Variants in PLXNA4 observed in about 807,000 individuals in gnomAD.
PLXNA4 encodes the protein plexin-A4.
PLXNA4 carries 44 observed loss-of-function variants against 191.8 expected under a neutral mutation model. The observed-to-expected ratio is 0.23, with a 90% CI of 0.18 to 0.29. PLXNA4 has a LOEUF of 0.29. Ranked by LOEUF, PLXNA4 falls within the 10% of genes least tolerant of loss-of-function variation. PLXNA4 has a pLI of 1.00. For missense variants in PLXNA4, 1,800 were observed against 2,488.8 expected (o/e 0.72, Z 5.89); for synonymous variants, 1,082 against 1,009.5 (o/e 1.07, Z -1.36).
intron 10 of PLXNA4, among the ~76,000 whole-genome samples, chr7:132,206,619 T>C (rs1324866640): frequency 3.9e-5 from 6 of 152,038 alleles, no homozygotes; most frequent in African/African-American, 1.4e-4. Flanking sequence ...CCCCATGTGC[T>C]CCCCCTCAGC....
At chr7:132,133,797 A>G (rs911752402) in intron 30 of PLXNA4, among the ~76,000 whole-genome samples, 3 of 152,020 alleles carry the variant, frequency 2.0e-5, no homozygotes, top group Non-Finnish European at 4.4e-5. Context: ...TATGCACCAA[A>G]CCTCAACTCC....
At chr7:132,229,145 T>A (rs1270058592) in intron 5 of PLXNA4, among the ~76,000 whole-genome samples, 1 of 152,154 alleles carries the variant, frequency 6.6e-6, no homozygotes, top group Admixed American at 6.5e-5. Context: ...TAGAATCCCC[T>A]CATGTAGGCA....
intron 1 of PLXNA4, among the ~76,000 whole-genome samples, chr7:132,558,352 G>A (rs1585332401): frequency 6.6e-6 from 1 of 152,138 alleles, no homozygotes; most frequent in Admixed American, 6.5e-5. Flanking sequence ...TATTCTGTAA[G>A]CTTTTTTATA....
Position 132,447,189 on chromosome 7 carries a change from C to T in PLXNA4, c.1371+42103G>A, listed in dbSNP as rs750673171. Among the ~76,000 whole-genome samples the T allele has an allele frequency of 7.6e-4, 115 of 152,284 alleles. 1 individual carries two copies. Among genetic ancestry groups the T allele is most frequent in the Non-Finnish European group, 2.5e-4 (17 of 68,030 alleles). ...GGCTCACCAGGCTCCCACTAGAGCC[C>T]AGAATGGAATAGCGCATCACCTGGA... On this transcript the variant is annotated intron_variant, in intron 3 of 31. Transcript: ENST00000321063.
chr7:132,526,905 T>A (rs1799422610), intron 1 of PLXNA4, among the ~76,000 whole-genome samples: 1 of 152,150 alleles, frequency 6.6e-6, no homozygotes, highest in African/African-American at 2.4e-5. Context: ...TGCCCCACGG[T>A]GGCACAATGG....
intron 2 of PLXNA4, among the ~76,000 whole-genome samples, chr7:132,620,380 A>C (rs1350954006): frequency 6.6e-6 from 1 of 152,242 alleles, no homozygotes; most frequent in Non-Finnish European, 1.5e-5. Flanking sequence ...ATTGGTATTT[A>C]TATTTGCAAA....
chr7:132,260,306 C>A (rs967942961), intron 4 of PLXNA4, among the ~76,000 whole-genome samples: 2 of 152,146 alleles, frequency 1.3e-5, no homozygotes, highest in Non-Finnish European at 2.9e-5. Flanking sequence ...TATATAGATA[C>A]CGTGGAGTAC....
At chr7:132,228,251 A>T in intron 6 of PLXNA4, 95 bp downstream of exon 6, 1 of 1,541,374 alleles carries the variant, frequency 6.5e-7, no homozygotes, top group Non-Finnish European at 8.8e-7. Context: ...GGCTTGGCCC[A>T]GTCCTCCAGA....
chr7:132,627,456 G>A lies in PLXNA4; in HGVS notation c.-87+18472C>T, dbSNP rs533707422. ...ATGATTACATTTCTTTTCCTGTACAGTTTTGTTTGTTTTCCAAGGTTGTCT... is the reference window on the plus strand; with the variant it reads ...ATGATTACATTTCTTTTCCTGTACAATTTTGTTTGTTTTCCAAGGTTGTCT... On this transcript the variant is annotated intron_variant, in intron 2 of 4. Coordinates refer to the PLXNA4 transcript ENST00000378539. Among the ~76,000 whole-genome samples the A allele has an allele frequency of 5.3e-5, 8 of 150,446 alleles. 1 individual carries two copies. The highest frequency in any genetic ancestry group is 2.0e-4 in the African/African-American group (8 of 39,866).
At chr7:132,277,766 G>A (rs1437845536) in intron 4 of PLXNA4, among the ~76,000 whole-genome samples, 1 of 152,178 alleles carries the variant, frequency 6.6e-6, no homozygotes, top group Non-Finnish European at 1.5e-5. Context: ...CAGGGCAGGA[G>A]AAACCACACT....
At chr7:132,622,379 C>G (rs1311696907) in intron 2 of PLXNA4, among the ~76,000 whole-genome samples, 6 of 152,134 alleles carry the variant, frequency 3.9e-5, no homozygotes, top group Admixed American at 3.9e-4. Flanking sequence ...ATTATTATTA[C>G]AGCAACCACC....
intron 3 of PLXNA4, among the ~76,000 whole-genome samples, chr7:132,393,635 T>C (rs1350433831): frequency 6.6e-6 from 1 of 152,180 alleles, no homozygotes; most frequent in African/African-American, 2.4e-5. Context: ...CAGCAAGACA[T>C]AGTCCCGGCT....
chr7:132,266,725 C>A (rs562692324), intron 4 of PLXNA4, among the ~76,000 whole-genome samples: 29 of 152,352 alleles, frequency 1.9e-4, no homozygotes, highest in African/African-American at 6.7e-4. Flanking sequence ...TGTCTTTCTG[C>A]ATAAGCATCG....
intron 12 of PLXNA4, among the ~76,000 whole-genome samples, chr7:132,201,616 A>G (rs1797436578): frequency 6.6e-6 from 1 of 152,084 alleles, no homozygotes; most frequent in Non-Finnish European, 1.5e-5. Context: ...TTGAGCACCT[A>G]CTGTGTGCTC....
chr7:132,193,126 G>T (rs566758579), intron 14 of PLXNA4, among the ~76,000 whole-genome samples: 1 of 152,210 alleles, frequency 6.6e-6, no homozygotes, highest in African/African-American at 2.4e-5. Flanking sequence ...GTGTTGAGAT[G>T]TTGGACTTTT....
chr7:132,293,403 C>T (rs10954371), intron 4 of PLXNA4, among the ~76,000 whole-genome samples: 45,532 of 152,022 alleles, frequency 0.3, 7,014 homozygotes, highest in Admixed American at 0.42. Flanking sequence ...ATAAAACCAC[C>T]GGATCTTGTG....
intron 3 of PLXNA4, among the ~76,000 whole-genome samples, chr7:132,376,516 C>T (rs748316945): frequency 3.3e-5 from 5 of 152,264 alleles, no homozygotes; most frequent in Middle Eastern, 3.4e-3. Flanking sequence ...TGATGTTAGG[C>T]AAGGCACTTT....
In PLXNA4 at chr7:132,127,979, CTCT is replaced by C. The variant is rs1489441691; in HGVS notation, c.*2497_*2499del. On this transcript the variant is annotated 3_prime_UTR_variant, in exon 32 of 32. Transcript: ENST00000321063. ...TTTTTTTCTGCTTGTTTGATTTTTT[CTCT>C]TAACTGTGCAAAAAAAAAAAAAAAA... The C allele has an allele frequency of 4.4e-5, 5 of 113,204 alleles. No homozygotes were observed. The highest frequency in any genetic ancestry group is 1.5e-4 in the African/African-American group (4 of 26,820). The allele number at this position is 113,204 out of a possible 1,614,324, so 7.0% of individuals were successfully genotyped here.
chr7:132,222,740 A>G (rs1798189118), intron 9 of PLXNA4, among the ~76,000 whole-genome samples: 1 of 152,250 alleles, frequency 6.6e-6, no homozygotes, highest in Admixed American at 6.5e-5. Context: ...CCACACTCTG[A>G]CATTCCAAGA....
Sources: allele counts gnomAD v4.1 joint callset (sites outside exome capture counted in the v4.1 genomes callset), GRCh38; gene constraint gnomAD v4.1.1; transcripts MANE v1.5; gene names NCBI Gene and HGNC (gene_info 2026-07-23, HGNC 2026-07-21).